Variants in KCNK2 observed in about 807,000 individuals in gnomAD.
KCNK2 encodes the protein potassium channel subfamily K member 2.
Under a neutral mutation model 40.5 loss-of-function variants are expected in KCNK2, and 21 were observed. The observed-to-expected ratio is 0.52, with a 90% confidence interval of 0.37 to 0.75. The LOEUF is 0.75. Among genes scored for constraint, KCNK2 ranks in the 30% least tolerant of loss-of-function variants. The probability of loss-of-function intolerance (pLI) is 0.00; values close to 1 mark genes in which losing one functional copy is unlikely to be tolerated. For missense variants in KCNK2, 399 were observed against 531.6 expected, an observed-to-expected ratio of 0.75 and a Z score of 2.45; for synonymous variants, 191 against 202.2, an observed-to-expected ratio of 0.94 and a Z score of 0.47.
intron 3 of KCNK2, among the ~76,000 whole-genome samples, chr1:215,157,886 A>G (rs1037120224): frequency 3.3e-5 from 5 of 152,172 alleles, no homozygotes; most frequent in African/African-American, 1.2e-4. Context: ...AGGGAAGTCT[A>G]CTTTCATTGT....
At chr1:215,040,059 GT>G (rs1429214412) in intron 1 of KCNK2, among the ~76,000 whole-genome samples, 1 of 152,042 alleles carries the variant, frequency 6.6e-6, no homozygotes, top group African/African-American at 2.4e-5. Flanking sequence ...CTGGATTGAG[GT>G]TTTAATGTAT....
intron 1 of KCNK2, among the ~76,000 whole-genome samples, chr1:215,058,790 C>G (rs1658257124): frequency 6.6e-6 from 1 of 152,152 alleles, no homozygotes; most frequent in South Asian, 2.1e-4. Context: ...CTTGAACTTG[C>G]CAAGTGTTGT....
At chr1:215,105,412 C>A (rs1660394159) in intron 2 of KCNK2, among the ~76,000 whole-genome samples, 1 of 152,064 alleles carries the variant, frequency 6.6e-6, no homozygotes, top group Non-Finnish European at 1.5e-5. Flanking sequence ...GGGTTTCCTT[C>A]CTATTTAGGG....
chr1:215,174,954 T>C (rs1663889379), intron 5 of KCNK2, among the ~76,000 whole-genome samples: 1 of 152,116 alleles, frequency 6.6e-6, no homozygotes, highest in African/African-American at 2.4e-5. Flanking sequence ...TTGAATACCC[T>C]TTATTTCTTT....
intron 1 of KCNK2, chr1:215,006,059 T>C (rs1377647088): frequency 2.1e-6 from 2 of 959,220 alleles, no homozygotes; most frequent in Admixed American, 3.8e-5. Flanking sequence ...GTCTTCATTA[T>C]ATGAAAGTCT....
At chr1:215,205,522 C>T (rs1018541901) in intron 6 of KCNK2, among the ~76,000 whole-genome samples, 3 of 152,118 alleles carry the variant, frequency 2.0e-5, no homozygotes, top group East Asian at 1.9e-4. Context: ...GGATTACAGG[C>T]GTGAGCCACT....
chr1:215,158,150 A>G (rs1320101725), intron 3 of KCNK2, among the ~76,000 whole-genome samples: 2 of 152,082 alleles, frequency 1.3e-5, no homozygotes, highest in Non-Finnish European at 2.9e-5. Context: ...ATGTTCAGAG[A>G]AGGGTTCTAT....
chr1:215,059,501 A>C (rs1658296299), intron 1 of KCNK2, among the ~76,000 whole-genome samples: 1 of 152,206 alleles, frequency 6.6e-6, no homozygotes, highest in Non-Finnish European at 1.5e-5. Flanking sequence ...CTATATAGAG[A>C]AAAATATTAA....
chr1:215,191,144 G>C (rs562624997), intron 5 of KCNK2, among the ~76,000 whole-genome samples: 1 of 151,872 alleles, frequency 6.6e-6, no homozygotes, highest in African/African-American at 2.4e-5. Flanking sequence ...AATTCGTCAG[G>C]CGTGGTGGCA....
At chr1:215,023,769 G>C (rs1656895088) in intron 1 of KCNK2, among the ~76,000 whole-genome samples, 2 of 152,168 alleles carry the variant, frequency 1.3e-5, no homozygotes, top group Admixed American at 1.3e-4. Context: ...TGGCTTTCCA[G>C]GTGAAGAAAT....
At chr1:215,127,356 T>C (rs902530430) in intron 3 of KCNK2, among the ~76,000 whole-genome samples, 1 of 152,138 alleles carries the variant, frequency 6.6e-6, no homozygotes, top group Non-Finnish European at 1.5e-5. Flanking sequence ...AAGACCAAAG[T>C]TTAGAATTCT....
chr1:215,044,824 TGTGCGC>T (rs1440725541), intron 1 of KCNK2, among the ~76,000 whole-genome samples: 3,085 of 52,458 alleles, frequency 0.059, 100 homozygotes, highest in African/African-American at 0.11. Context: ...TGTGTGTGTG[TGTGCGC>T]GCGCACACGT....
intron 2 of KCNK2, among the ~76,000 whole-genome samples, chr1:215,104,249 A>G (rs1158811640): frequency 6.6e-6 from 1 of 152,070 alleles, no homozygotes; most frequent in Non-Finnish European, 1.5e-5. Context: ...AGAGCATACT[A>G]CTGGTTAGCA....
chr1:215,045,436 C>A (rs572125347), intron 1 of KCNK2, among the ~76,000 whole-genome samples: 42 of 152,264 alleles, frequency 2.8e-4, no homozygotes, highest in African/African-American at 9.9e-4. Context: ...CTGAATGTGA[C>A]AATTTTCCTT....
chr1:215,190,365 C>G (rs185157914), intron 5 of KCNK2, among the ~76,000 whole-genome samples: 1 of 152,042 alleles, frequency 6.6e-6, no homozygotes, highest in African/African-American at 2.4e-5. Context: ...CCTGCCTTAG[C>G]TAAGTACCTC....
chr1:215,201,166 T>C (rs567257392), intron 6 of KCNK2, among the ~76,000 whole-genome samples: 7 of 152,200 alleles, frequency 4.6e-5, no homozygotes, highest in African/African-American at 1.4e-4. Context: ...ATAAATTGAT[T>C]TGTGGTTGGG....
chr1:215,094,172 G>A (rs1056880352), intron 2 of KCNK2, among the ~76,000 whole-genome samples: 2 of 151,004 alleles, frequency 1.3e-5, no homozygotes, highest in Non-Finnish European at 1.5e-5. Context: ...ATAACATGCT[G>A]TCCAGAAAGT....
intron 6 of KCNK2, among the ~76,000 whole-genome samples, chr1:215,208,445 A>G (rs1464472134): frequency 1.1e-4 from 16 of 152,100 alleles, no homozygotes; most frequent in Admixed American, 9.8e-4. Flanking sequence ...TGTACAACAA[A>G]TCCCCATGCC....
At chr1:215,226,309 CTTGT>C (rs1029650041) in intron 6 of KCNK2, among the ~76,000 whole-genome samples, 3 of 151,880 alleles carry the variant, frequency 2.0e-5, no homozygotes, top group African/African-American at 7.3e-5. Flanking sequence ...GTTTGTTTGT[CTTGT>C]TTTTTATTTG....
Sources: allele counts gnomAD v4.1 joint callset (sites outside exome capture counted in the v4.1 genomes callset), GRCh38; gene constraint gnomAD v4.1.1; transcripts MANE v1.5; gene names NCBI Gene and HGNC (gene_info 2026-07-23, HGNC 2026-07-21).